CNN3: variants seen among roughly 807,000 people sequenced by gnomAD.
CNN3 encodes calponin 3, also known as calponin-3.
A neutral mutation model predicts 39.0 loss-of-function variants in CNN3; 11 were observed. That is an observed-to-expected ratio of 0.28 (90% CI 0.18 to 0.47). The LOEUF is 0.47. CNN3 is among the 20% of genes least tolerant of loss of function. CNN3 has a pLI of 0.99. For missense variants in CNN3, 266 were observed against 403.4 expected (o/e 0.66, Z 2.92); for synonymous variants, 101 against 138.3 (o/e 0.73, Z 1.89).
Position 94,913,915 on chromosome 1 carries a change from T to C in CNN3, c.58-10391A>G, listed in dbSNP as rs969324439. On this transcript the variant is annotated intron_variant, in intron 1 of 6. Coordinates refer to ENST00000370206, the MANE Select transcript of CNN3 (RefSeq NM_001839.5). ...AAGAGATGACCTCCAAGAAAGCTTGTTGGAGAACATTCTCTCACTGGGAAG... is the reference window on the plus strand; with the variant it reads ...AAGAGATGACCTCCAAGAAAGCTTGCTGGAGAACATTCTCTCACTGGGAAG... 2.6e-5 allele frequency among the ~76,000 whole-genome samples: 4 copies of C among 152,068 alleles called. No homozygotes were observed. The South Asian group carries it at 8.3e-4, about 32-fold the overall frequency.
chr1:94,926,745 G>T lies in CNN3; in HGVS notation c.57+93C>A. 7.3e-7 allele frequency: 1 copy of T among 1,374,190 alleles called. No individual in the cohort carries two copies. Among genetic ancestry groups the T allele is most frequent in the South Asian group, 1.2e-5 (1 of 80,720 alleles). The allele number at this position is 1,374,190 out of a possible 1,614,324, so 85.1% of individuals were successfully genotyped here. A position where few individuals can be genotyped will look rare whatever the true frequency, so the allele number is the denominator to read the frequency against. On this transcript the variant is annotated intron_variant, in intron 1 of 6. Transcript: ENST00000370206. The surrounding 1 kb of genome is among the most constrained non-coding windows in gnomAD (Gnocchi z 4.2). ...CGGCCCCTCTCCAGGAAAACGGTGA[G>T]CCACAGCGCGAAGAGCAAACGAAGC...
chr1:94,911,634 T>C (rs1011772066), intron 1 of CNN3, among the ~76,000 whole-genome samples: 7 of 152,098 alleles, frequency 4.6e-5, no homozygotes, highest in Non-Finnish European at 8.8e-5. Flanking sequence ...CTGGGCATGA[T>C]GGCACACACC....
At chr1:94,915,884 T>A (rs910670832) in intron 1 of CNN3, among the ~76,000 whole-genome samples, 2 of 152,178 alleles carry the variant, frequency 1.3e-5, no homozygotes, top group African/African-American at 4.8e-5. Context: ...AGAGGACTTC[T>A]CCACATCAGT....
intron 5 of CNN3, among the ~76,000 whole-genome samples, chr1:94,900,241 T>C (rs1038807712): frequency 6.6e-6 from 1 of 152,166 alleles, no homozygotes; most frequent in African/African-American, 2.4e-5. Context: ...TTATTACTAA[T>C]ATAAAATCTG....
chr1:94,911,380 G>A (rs566362484), intron 1 of CNN3, among the ~76,000 whole-genome samples: 1 of 152,290 alleles, frequency 6.6e-6, no homozygotes, highest in East Asian at 1.9e-4. Context: ...TCAGCATATG[G>A]CACCAACCAG....
intron 1 of CNN3, among the ~76,000 whole-genome samples, chr1:94,905,693 C>G (rs1670979711): frequency 6.6e-6 from 1 of 152,198 alleles, no homozygotes; most frequent in South Asian, 2.1e-4. Flanking sequence ...AGACGACTAA[C>G]TTTGCAGTGT....
chr1:94,914,542 G>GA (rs1671237542), intron 1 of CNN3, among the ~76,000 whole-genome samples: 1 of 152,162 alleles, frequency 6.6e-6, no homozygotes, highest in South Asian at 2.1e-4. Flanking sequence ...CTCCTTTACT[G>GA]AAGGTTATTA....
intron 1 of CNN3, among the ~76,000 whole-genome samples, chr1:94,905,127 G>C (rs1358519493): frequency 6.6e-6 from 1 of 152,126 alleles, no homozygotes; most frequent in Admixed American, 6.5e-5. Context: ...CCAAGGGAGA[G>C]AGCCTGATCA....
In CNN3 at chr1:94,908,373, C is replaced by T. The variant is rs530386835; in HGVS notation, c.58-4849G>A. Among the ~76,000 whole-genome samples, 10 of 152,340 alleles carry T rather than the reference C, an allele frequency of 6.6e-5. No homozygotes were observed. The South Asian group carries it at 1.7e-3, about 25-fold the overall frequency. On this transcript the variant is annotated intron_variant, in intron 1 of 6. Coordinates refer to ENST00000370206, the MANE Select transcript of CNN3 (RefSeq NM_001839.5). ...GCTCATCCTGTTGTGGTCGTGGTGG[C>T]GGCTTCAGCCCTTAGAGCTTCCCTT...
intron 1 of CNN3, among the ~76,000 whole-genome samples, chr1:94,919,855 C>T (rs1343731070): frequency 6.6e-6 from 1 of 152,124 alleles, no homozygotes; most frequent in African/African-American, 2.4e-5. Flanking sequence ...CACGCCCACA[C>T]CCTGAAGCTT....
Position 94,897,670 on chromosome 1 carries a change from A to T in CNN3, c.*72T>A. On this transcript the variant is annotated 3_prime_UTR_variant, in exon 7 of 7. Transcript: ENST00000370206. ...AGTGTTTTAGGAAGACAAGATAAAA[A>T]TTACTCAAGGCTAGCTTGGTTCTCA... 1 of 1,373,436 alleles carries T rather than the reference A, an allele frequency of 7.3e-7. No homozygotes were observed. 85.1% of individuals were successfully genotyped at this position (1,373,436 alleles called of 1,614,324 possible).
intron 1 of CNN3, among the ~76,000 whole-genome samples, chr1:94,924,786 T>C (rs1376548553): frequency 3.3e-5 from 5 of 152,228 alleles, no homozygotes; most frequent in Non-Finnish European, 5.9e-5. Context: ...TTCAGTGTAC[T>C]GATCTGTAAA....
intron 1 of CNN3, among the ~76,000 whole-genome samples, chr1:94,917,214 T>C (rs989800629): frequency 5.9e-5 from 9 of 152,178 alleles, no homozygotes; most frequent in African/African-American, 2.2e-4. Flanking sequence ...TTTTGTATTT[T>C]TAGTAGAGAT....
intron 1 of CNN3, among the ~76,000 whole-genome samples, chr1:94,909,909 C>T (rs1015885056): frequency 6.6e-6 from 1 of 152,136 alleles, no homozygotes; most frequent in African/African-American, 2.4e-5. Context: ...AGAGTGATGA[C>T]ATTCATGTAC....
chr1:94,903,342 G>C (rs765967543), intron 2 of CNN3, 61 bp downstream of exon 2: 2 of 1,546,414 alleles, frequency 1.3e-6, no homozygotes, highest in Admixed American at 2.0e-5. Context: ...AGGAGAGTGA[G>C]AGAGAAGGCT....
chr1:94,901,553 C>A (rs1571516525), intron 5 of CNN3, 116 bp downstream of exon 5: 2 of 19,076 alleles, frequency 1.0e-4, no homozygotes, highest in Admixed American at 5.0e-4. Flanking sequence ...ATAAACTACA[C>A]CCCCCCCCCA....
At chr1:94,917,026 T>C (rs1343508452) in intron 1 of CNN3, among the ~76,000 whole-genome samples, 3 of 152,164 alleles carry the variant, frequency 2.0e-5, no homozygotes, top group Non-Finnish European at 4.4e-5. Flanking sequence ...TAAAGCTTCC[T>C]GGATTTTTTG....
intron 5 of CNN3, among the ~76,000 whole-genome samples, chr1:94,900,067 G>A (rs1670823992): frequency 6.6e-6 from 1 of 152,208 alleles, no homozygotes; most frequent in Non-Finnish European, 1.5e-5. Context: ...AAGGTGGAAT[G>A]AGGAATTTGA....
At chr1:94,912,139 G>C (rs1671182443) in intron 1 of CNN3, among the ~76,000 whole-genome samples, 1 of 152,122 alleles carries the variant, frequency 6.6e-6, no homozygotes. Context: ...ATAACAAACG[G>C]TAGAAAGATG....
Sources: gnomAD v4.1 joint callset for allele counts (sites outside exome capture counted in the v4.1 genomes callset) on GRCh38, gnomAD v4.1.1 for gene constraint, Gnocchi (gnomAD v3.1) non-coding constraint, MANE v1.5 for transcripts, NCBI Gene and HGNC (gene_info 2026-07-23, HGNC 2026-07-21) for gene names.